The following NAALADL2 variants were observed in gnomAD, a reference collection of about 807,000 sequenced individuals.
NAALADL2 encodes inactive N-acetylated-alpha-linked acidic dipeptidase-like protein 2.
In NAALADL2, 76 loss-of-function variants were observed where a neutral mutation model predicts 87.2. That is an observed-to-expected ratio of 0.87 (90% confidence interval 0.72 to 1.05). The LOEUF is 1.05. NAALADL2 is among the 50% of genes least tolerant of loss of function. The pLI, the probability that NAALADL2 is intolerant of heterozygous loss-of-function variation, is 0.00. For synonymous variants in NAALADL2, 354 were observed against 331.0 expected, an observed-to-expected ratio of 1.07 and a Z score of -0.75; for missense variants, 1,089 against 945.8, an observed-to-expected ratio of 1.15 and a Z score of -1.99.
intron 9 of NAALADL2, among the ~76,000 whole-genome samples, chr3:175,566,288 A>C (rs1424174504): frequency 6.6e-6 from 1 of 152,214 alleles, no homozygotes; most frequent in Non-Finnish European, 1.5e-5. Flanking sequence ...AGTAATAAGC[A>C]AATTGACAAT....
At chr3:174,881,462 A>G (rs1394512072) in intron 1 of NAALADL2, among the ~76,000 whole-genome samples, 1 of 152,178 alleles carries the variant, frequency 6.6e-6, no homozygotes, top group Non-Finnish European at 1.5e-5. Flanking sequence ...GTGGTGAAAC[A>G]TGGCTATTTG....
chr3:175,025,974 G>T (rs759690157), intron 1 of NAALADL2, among the ~76,000 whole-genome samples: 32 of 152,000 alleles, frequency 2.1e-4, no homozygotes, highest in Non-Finnish European at 4.0e-4. Context: ...TATACCCAGA[G>T]AATTTTTTGT....
At chr3:175,325,877 C>T (rs8179909) in intron 5 of NAALADL2, among the ~76,000 whole-genome samples, 157 of 152,290 alleles carry the variant, frequency 1.0e-3, no homozygotes, top group Middle Eastern at 3.4e-3. Context: ...CGAATAGTGT[C>T]TGGCTTCTTT....
At chr3:174,485,309 C>T (rs1009981182) in intron 1 of NAALADL2, among the ~76,000 whole-genome samples, 3 of 151,670 alleles carry the variant, frequency 2.0e-5, no homozygotes, top group African/African-American at 7.3e-5. Context: ...TTTTAAAAAC[C>T]TTCAAGTTTA....
intron 2 of NAALADL2, among the ~76,000 whole-genome samples, chr3:175,216,836 T>G (rs1243535421): frequency 6.6e-6 from 1 of 151,900 alleles, no homozygotes; most frequent in Non-Finnish European, 1.5e-5. Context: ...GCCCAGCTAA[T>G]TTTTGTATTT....
intron 1 of NAALADL2, among the ~76,000 whole-genome samples, chr3:175,082,403 CAT>C (rs1381631381): frequency 3.9e-5 from 6 of 152,096 alleles, no homozygotes; most frequent in Non-Finnish European, 7.3e-5. Context: ...ATTTGACTAT[CAT>C]AAAATGGGAT....
chr3:174,807,937 A>C (rs1719700152), intron 3 of NAALADL2, among the ~76,000 whole-genome samples: 1 of 151,554 alleles, frequency 6.6e-6, no homozygotes. Context: ...CTCTAATATA[A>C]AGCCCAAATT....
At chr3:174,579,751 C>G (rs1715947564) in intron 2 of NAALADL2, among the ~76,000 whole-genome samples, 1 of 152,024 alleles carries the variant, frequency 6.6e-6, no homozygotes. Flanking sequence ...GAGCACCCTT[C>G]TAGATATGGC....
chr3:175,654,899 C>T (rs146726087), intron 11 of NAALADL2, among the ~76,000 whole-genome samples: 95 of 151,554 alleles, frequency 6.3e-4, no homozygotes, highest in African/African-American at 2.2e-3. Flanking sequence ...TATTGCATTA[C>T]GTAGAATGAA....
intron 1 of NAALADL2, among the ~76,000 whole-genome samples, chr3:175,049,696 C>T (rs1413240385): frequency 1.3e-5 from 2 of 152,132 alleles, no homozygotes; most frequent in Non-Finnish European, 2.9e-5. Context: ...GGATTGATCC[C>T]TAGCTGACTT....
At chr3:174,535,428 G>T (rs1721634868) in intron 1 of NAALADL2, among the ~76,000 whole-genome samples, 1 of 152,156 alleles carries the variant, frequency 6.6e-6, no homozygotes, top group African/African-American at 2.4e-5. Flanking sequence ...TATCCTAACA[G>T]ACAGGGTTCC....
At chr3:175,726,682 T>C (rs573526933) in intron 11 of NAALADL2, among the ~76,000 whole-genome samples, 9 of 152,240 alleles carry the variant, frequency 5.9e-5, no homozygotes, top group African/African-American at 2.2e-4. Context: ...CCCATCCTAC[T>C]ACCCTCACCT....
At chr3:175,375,634 C>T (rs1767040163) in intron 5 of NAALADL2, among the ~76,000 whole-genome samples, 1 of 152,010 alleles carries the variant, frequency 6.6e-6, no homozygotes, top group South Asian at 2.1e-4. Context: ...TAGCCTTTTC[C>T]ATCCTTTTAA....
intron 11 of NAALADL2, among the ~76,000 whole-genome samples, chr3:175,685,232 C>G (rs899929315): frequency 6.6e-6 from 1 of 152,156 alleles, no homozygotes; most frequent in African/African-American, 2.4e-5. Flanking sequence ...CCACCTCCAT[C>G]TATGCAGGTC....
At chr3:174,504,706 A>G (rs1490870454) in intron 1 of NAALADL2, among the ~76,000 whole-genome samples, 1 of 152,136 alleles carries the variant, frequency 6.6e-6, no homozygotes, top group Non-Finnish European at 1.5e-5. Flanking sequence ...GAATATAGGT[A>G]TAGATACATG....
At chr3:175,436,416 G>A (rs1718684218) in intron 5 of NAALADL2, among the ~76,000 whole-genome samples, 1 of 147,842 alleles carries the variant, frequency 6.8e-6, no homozygotes, top group Admixed American at 6.9e-5. Flanking sequence ...GATCCCTGAG[G>A]AATCGCCACA....
At chr3:174,653,715 A>C (rs1400103517) in intron 2 of NAALADL2, among the ~76,000 whole-genome samples, 2 of 152,174 alleles carry the variant, frequency 1.3e-5, no homozygotes, top group Non-Finnish European at 2.9e-5. Context: ...GAAATGTTCA[A>C]CAAAAAAACT....
At chr3:174,628,726 C>T (rs1721834023) in intron 2 of NAALADL2, among the ~76,000 whole-genome samples, 2 of 152,192 alleles carry the variant, frequency 1.3e-5, no homozygotes, top group South Asian at 4.2e-4. Context: ...GAGAGTTAAC[C>T]ACTTTTTTTG....
chr3:175,124,220 C>T (rs772011241), intron 2 of NAALADL2, among the ~76,000 whole-genome samples: 14 of 151,852 alleles, frequency 9.2e-5, no homozygotes, highest in South Asian at 4.1e-4. Flanking sequence ...TATAATTAGG[C>T]GAAGTAATAA....
Sources: allele counts gnomAD v4.1 joint callset (sites outside exome capture counted in the v4.1 genomes callset), GRCh38; gene constraint gnomAD v4.1.1; transcripts MANE v1.5; gene names NCBI Gene and HGNC (gene_info 2026-07-23, HGNC 2026-07-21).